The following PKD1 variants were observed in gnomAD, a reference collection of about 807,000 sequenced individuals.
The protein encoded by PKD1 is polycystin-1.
A neutral mutation model predicts 361.7 loss-of-function variants in PKD1; 81 were observed. The ratio of observed to expected loss-of-function variants is 0.22; its 90% CI spans 0.19 to 0.27. The LOEUF (loss-of-function observed/expected upper bound fraction) is 0.27, where lower values mean the gene tolerates loss of function less well. Among genes scored for constraint, PKD1 ranks in the 10% least tolerant of loss-of-function variants. The pLI, the probability that PKD1 is intolerant of heterozygous loss-of-function variation, is 1.00. For synonymous variants in PKD1, 3,615 were observed against 2,818.3 expected (o/e 1.28, Z -8.95); for missense variants, 6,399 against 6,118.3 (o/e 1.05, Z -1.53).
rs1596567665 is a variant in PKD1 at position 2,112,717 on chromosome 16, G to T, written c.3161+71C>A. 6 of 1,490,674 alleles carry T rather than the reference G, an allele frequency of 4.0e-6. No individual in the cohort carries two copies. In the South Asian group the frequency reaches 6.8e-5, roughly 17 times the overall value. 92.3% of individuals were successfully genotyped at this position (1,490,674 alleles called of 1,614,324 possible). The stretch of plus-strand genomic sequence containing the variant: ...AGAAAAGCAACCCCGTGATGTGGGG[G>T]TCCCTCGGCTGAGGCTGGGGCTGGG... On this transcript the variant is annotated intron_variant, in intron 13 of 45. Coordinates refer to ENST00000262304, the MANE Select transcript of PKD1 (RefSeq NM_001009944.3).
At position 2,089,839 on chromosome 16, in the gene PKD1, C is replaced by T. The variant is rs771965935; in HGVS notation, c.12800G>A (p.Arg4267Gln). Residue 4267 changes from arginine (R) to glutamine (Q), a missense_variant, in exon 46 of 46, where the codon CGG becomes CAG. Transcript: ENST00000262304. ...GSSRGPSPGLRPALPSRLARA... is the reference protein window; with the variant it reads ...GSSRGPSPGLQPALPSRLARA... ...GGCAAGGCGGCTGGGCAGTGCTGGCCGCAGGCCCGGGGATGGGCCACGGGA... is the reference window on the plus strand; with the variant it reads ...GGCAAGGCGGCTGGGCAGTGCTGGCTGCAGGCCCGGGGATGGGCCACGGGA... 2.1e-5 allele frequency: 34 copies of T among 1,604,872 alleles called. No individual in the cohort carries two copies. The highest frequency in any genetic ancestry group is 5.3e-5 in the African/African-American group (4 of 74,852).
In PKD1 at chr16:2,106,504, G is replaced by T. The variant is rs768426968; in HGVS notation, c.7383C>A (p.Ala2461=). The change falls in exon 18 of 46, where the codon GCC becomes GCA. Residue 2461 remains alanine (A), a synonymous_variant. Transcript: ENST00000262304. The surrounding 1 kb of genome is among the most constrained non-coding windows in gnomAD (Gnocchi z 6.5). ...GGCGGTTGGGGGACAGGCGGATGGA[G>T]GCGCAGCCCTCCTCCTCGCCAGAGC... ...LGRSGEEEGC[A]SIRLSPNRPP... is the part of the protein sequence containing the mutation. The T allele has an allele frequency of 6.3e-7, 1 of 1,595,184 alleles. No homozygotes were observed. The highest frequency in any genetic ancestry group is 2.2e-5 in the East Asian group (1 of 44,766).
In PKD1 at chr16:2,093,884, C is replaced by A. The variant is rs752087551; in HGVS notation, c.10748G>T (p.Gly3583Val). Reference sequence around the variant, plus strand: ...GGACAGGAGCCACGCAACACTCACGCCCGGGGGGAAGCTCGCACCCACCCA... The same window carrying A: ...GGACAGGAGCCACGCAACACTCACGACCGGGGGGAAGCTCGCACCCACCCA... ...SGWVGASFPP[G>V]VSVAWLLSSS... The change falls in exon 36 of 46, where the codon GGC becomes GTC. Residue 3583 changes from glycine (G) to valine (V), a missense_variant. Coordinates refer to ENST00000262304, the MANE Select transcript of PKD1 (RefSeq NM_001009944.3). The A allele has an allele frequency of 1.9e-6, 3 of 1,576,268 alleles. No homozygotes were observed. Among genetic ancestry groups the A allele is most frequent in the Non-Finnish European group, 2.6e-6 (3 of 1,166,764 alleles).
chr16:2,106,106 A>G lies in PKD1; in HGVS notation c.7688T>C (p.Val2563Ala). The change falls in exon 19 of 46, where the codon GTG (valine) becomes GCG (alanine). Residue 2563 changes from valine (V) to alanine (A), a missense_variant. Val to Ala is a moderately conservative substitution (Grantham distance 64). Transcript: ENST00000262304. This position sits in a 1 kb window ranked among gnomAD's most constrained non-coding sequence, Gnocchi z 6.5. Reference protein sequence around the residue: ...VVVQDQLGAAVVALNRSLAIT... With the variant: ...VVVQDQLGAAAVALNRSLAIT... ...CCTGGCTCACCTGTTGAGGGCGACC[A>G]CAGCGGCTCCCAGCTGGTCCTGCAC... is the stretch of plus-strand genomic sequence containing the variant. The G allele has an allele frequency of 6.2e-7, 1 of 1,605,630 alleles. No individual in the cohort carries two copies.
chr16:2,111,235 G>A lies in PKD1; in HGVS notation c.3932C>T (p.Ala1311Val), dbSNP rs748741481. Residue 1311 changes from alanine (A) to valine (V), a missense_variant, in exon 15 of 46, where the codon GCG becomes GTG. Ala to Val is a moderately conservative substitution (Grantham distance 64, BLOSUM62 0). Coordinates refer to ENST00000262304, the MANE Select transcript of PKD1 (RefSeq NM_001009944.3). ...PAACIPTQPD[A>V]RLTAYVTGNP... ...CCCGGTGACGTAGGCCGTGAGCCGCGCGTCAGGCTGCGTGGGGATGCAGGC... is the reference window on the plus strand; with the variant it reads ...CCCGGTGACGTAGGCCGTGAGCCGCACGTCAGGCTGCGTGGGGATGCAGGC... 2.7e-5 allele frequency: 43 copies of A among 1,610,624 alleles called. No individual in the cohort carries two copies. The highest frequency in any genetic ancestry group is 8.9e-5 in the East Asian group (4 of 44,866).
chr16:2,103,827 G>T lies in PKD1; in HGVS notation c.8230C>A (p.Pro2744Thr), dbSNP rs746350192. 75 of 1,608,350 alleles carry T rather than the reference G, an allele frequency of 4.7e-5. No individual in the cohort carries two copies. Among genetic ancestry groups the T allele is most frequent in the Non-Finnish European group, 5.8e-5 (68 of 1,179,136 alleles). ...PQPSELGAES[P>T]SRMVASQAYN... is the part of the protein sequence containing the mutation. ...GCCTGGGACGCCACCATCCGAGATGGTGACTCGGCTCCCAGCTCTGAGGGC... is the reference window on the plus strand; with the variant it reads ...GCCTGGGACGCCACCATCCGAGATGTTGACTCGGCTCCCAGCTCTGAGGGC... The change falls in exon 23 of 46, where the codon CCA becomes ACA. Residue 2744 changes from proline (P) to threonine (T), a missense_variant. Physicochemically the swap from Pro to Thr is conservative, Grantham distance 38 (BLOSUM62 -1). Transcript: ENST00000262304.
chr16:2,091,501 G>T lies in PKD1; in HGVS notation c.11634C>A (p.Arg3878=). 4 of 1,424,992 alleles carry T rather than the reference G, an allele frequency of 2.8e-6. No individual in the cohort carries two copies. Among genetic ancestry groups the T allele is most frequent in the Non-Finnish European group, 3.6e-6 (4 of 1,098,006 alleles). The allele number at this position is 1,424,992 out of a possible 1,614,324, so 88.3% of individuals were successfully genotyped here. The change falls in exon 42 of 46, where the codon CGC becomes CGA. Residue 3878 remains arginine (R), a synonymous_variant. Transcript: ENST00000262304. ...TLRLEFPAAG[R]ALAALSVRPF... is the part of the protein sequence containing the mutation. ...GGCGGACGCTGAGGGCGGCCAGGGC[G>T]CGGCCGGCCGCCGGGAACTCGAGGC...
At position 2,102,985 on chromosome 16, in the gene PKD1, G is replaced by A. The variant is rs1324227855; in HGVS notation, c.8792-15C>T. Reference sequence around the variant, plus strand: ...CAGGTAGTGGCCTGGGGCAGAACGCGCAGGTCACACGCCTGCCGGGAAGCT... The same window carrying A: ...CAGGTAGTGGCCTGGGGCAGAACGCACAGGTCACACGCCTGCCGGGAAGCT... On this transcript the variant is annotated splice_polypyrimidine_tract_variant and intron_variant, in intron 23 of 45. Coordinates refer to ENST00000262304, the MANE Select transcript of PKD1 (RefSeq NM_001009944.3). 13 of 1,600,816 alleles carry A rather than the reference G, an allele frequency of 8.1e-6. No individual in the cohort carries two copies. Among genetic ancestry groups the A allele is most frequent in the Admixed American group, 3.3e-5 (2 of 59,984 alleles).
chr16:2,090,633 A>G (rs369428917), intron 44 of PKD1, 41 bp downstream of exon 44: 7 of 1,609,840 alleles, frequency 4.3e-6, no homozygotes, highest in South Asian at 2.2e-5. Flanking sequence ...AGCTGAGCTG[A>G]GCTGAGCTAA....
At chr16:2,101,253 G>A (rs1349659231) in intron 26 of PKD1, among the ~76,000 whole-genome samples, 5 of 152,062 alleles carry the variant, frequency 3.3e-5, no homozygotes, top group African/African-American at 4.8e-5. Context: ...CAAAGTGCTC[G>A]GATTACAGGT....
chr16:2,134,968 GCCAGCCT>G (rs2092933240), intron 1 of PKD1: 1 of 283,906 alleles, frequency 3.5e-6, no homozygotes, highest in Non-Finnish European at 5.2e-6. Context: ...ACCTCCCGTG[GCCAGCCT>G]CCAGCCTCAC....
Position 2,118,269 on chromosome 16 carries a change from G to A in PKD1, c.723C>T (p.Ser241=). The change falls in exon 5 of 46, where the codon TCC becomes TCT. Residue 241 remains serine, a synonymous_variant. Coordinates refer to ENST00000262304, the MANE Select transcript of PKD1 (RefSeq NM_001009944.3). This position sits in a 1 kb window ranked among gnomAD's most constrained non-coding sequence, Gnocchi z 6.0. The part of the protein sequence containing the change: ...LCGAAQPSSA[S]FACLSLCSGP... ...CGGAGCAGAGGGACAGGCAGGCAAA[G>A]GAGGCACTGGAGGGCTGGGCCGCCC... 5.9e-6 allele frequency: 9 copies of A among 1,533,052 alleles called. No individual in the cohort carries two copies. Among genetic ancestry groups the A allele is most frequent in the East Asian group, 4.9e-5 (2 of 40,978 alleles). 95.0% of individuals were successfully genotyped at this position (1,533,052 alleles called of 1,614,324 possible).
Position 2,111,081 on chromosome 16 carries a change from G to A in PKD1, c.4086C>T (p.Ser1362=), listed in dbSNP as rs1446564277. The change falls in exon 15 of 46, where the codon TCC becomes TCT. Residue 1362 remains serine, a synonymous_variant. Transcript: ENST00000262304. ...AGTAATGCGCCCTGTTCACGCGGCTGGACAGCACCAGCGCCAGGGGGAACG... is the reference window on the plus strand; with the variant it reads ...AGTAATGCGCCCTGTTCACGCGGCTAGACAGCACCAGCGCCAGGGGGAACG... ...SGTFPLALVL[S]SRVNRAHYFT... is the part of the protein sequence containing the mutation. 1 of 1,610,644 alleles carries A rather than the reference G, an allele frequency of 6.2e-7. No homozygotes were observed. Among genetic ancestry groups the A allele is most frequent in the Non-Finnish European group, 8.5e-7 (1 of 1,179,750 alleles).
At chr16:2,099,806 GA>G (rs1262566922) in intron 29 of PKD1, 36 bp from the exon 30 acceptor site, 8 of 1,554,798 alleles carry the variant, frequency 5.1e-6, no homozygotes, top group Admixed American at 1.9e-5. Flanking sequence ...AGGTGAGGCT[GA>G]GGGGCAGGAA....
chr16:2,112,514 G>T, intron 13 of PKD1, 41 bp from the exon 14 acceptor site: 3 of 1,566,954 alleles, frequency 1.9e-6, no homozygotes, highest in Non-Finnish European at 2.6e-6. Context: ...CCGGGACAGG[G>T]GTGGGCGGTG....
chr16:2,094,320 C>G (rs942351053), intron 34 of PKD1, 110 bp from the exon 35 acceptor site: 1 of 738,564 alleles, frequency 1.4e-6, no homozygotes, highest in Non-Finnish European at 2.4e-6. Flanking sequence ...GTCACAGGGT[C>G]CCCCCGACAA....
intron 34 of PKD1, chr16:2,094,728 T>G (rs1367242853): frequency 5.9e-6 from 1 of 170,346 alleles, no homozygotes; most frequent in South Asian, 1.5e-4. Context: ...CAGGAGCCAG[T>G]GACCACCGAG....
chr16:2,103,775 C>T lies in PKD1; in HGVS notation c.8282G>A (p.Arg2761His), dbSNP rs145629362. The T allele has an allele frequency of 8.0e-5, 128 of 1,609,510 alleles. No homozygotes were observed. The highest frequency in any genetic ancestry group is 2.2e-4 in the Middle Eastern group (1 of 4,452). ...GAGCACGCGGGAGCGCATGAGGATG[C>T]GCATGAGGGCAGAGGTCAGGTTGTA... ...QAYNLTSALMRILMRSRVLNE... is the reference protein window; with the variant it reads ...QAYNLTSALMHILMRSRVLNE... The change falls in exon 23 of 46, where the codon CGC (arginine) becomes CAC (histidine). Residue 2761 changes from arginine to histidine, a missense_variant. Coordinates refer to ENST00000262304, the MANE Select transcript of PKD1 (RefSeq NM_001009944.3).
chr16:2,088,848 T>G lies in PKD1; in HGVS notation c.*879A>C. ...CAGCTCCGAGGGCCTTGAGGCTGCC[T>G]GGGCCATACAGCACACTCGCGCGTG... On this transcript the variant is annotated 3_prime_UTR_variant, in exon 46 of 46. Coordinates refer to ENST00000262304, the MANE Select transcript of PKD1 (RefSeq NM_001009944.3). 4 of 580,902 alleles carry G rather than the reference T, an allele frequency of 6.9e-6. No homozygotes were observed. The highest frequency in any genetic ancestry group is 1.2e-5 in the Non-Finnish European group (4 of 327,914). The allele number at this position is 580,902 out of a possible 1,614,324, so 36.0% of individuals were successfully genotyped here. A position where few individuals can be genotyped will look rare whatever the true frequency, so the allele number is the denominator to read the frequency against.
Sources: allele counts gnomAD v4.1 joint callset (sites outside exome capture counted in the v4.1 genomes callset), GRCh38; gene constraint gnomAD v4.1.1; non-coding constraint Gnocchi (gnomAD v3.1); transcripts MANE v1.5; gene names NCBI Gene and HGNC (gene_info 2026-07-23, HGNC 2026-07-21).